ADORA2B: variants seen among roughly 807,000 people sequenced by gnomAD.
The protein encoded by ADORA2B is adenosine receptor A2b.
A neutral mutation model predicts 20.8 loss-of-function variants in ADORA2B; 18 were observed. The observed-to-expected ratio is 0.87, with a 90% CI of 0.60 to 1.29. The LOEUF is 1.29. ADORA2B is among the 50% of genes most tolerant of loss of function. The pLI, the probability that ADORA2B is intolerant of heterozygous loss-of-function variation, is 0.00. For synonymous variants in ADORA2B, 179 were observed against 178.3 expected (o/e 1.00, Z -0.03); for missense variants, 441 against 422.7 (o/e 1.04, Z -0.38).
At chr17:15,865,199 T>G in the ADORA2B span, among the ~76,000 whole-genome samples, 3 of 152,250 alleles carry the variant, frequency 2.0e-5, no homozygotes, top group African/African-American at 7.2e-5. Context: ...TTTAAGTTTT[T>G]TGTGCGTGTG....
chr17:15,939,496 A>G, the ADORA2B span, among the ~76,000 whole-genome samples: 1 of 152,200 alleles, frequency 6.6e-6, no homozygotes, highest in Non-Finnish European at 1.5e-5. Context: ...GTGAATTGGA[A>G]AATCCAAGTT....
At chr17:15,957,637 C>T (rs181080135) in intron 1 of ADORA2B, among the ~76,000 whole-genome samples, 14 of 152,234 alleles carry the variant, frequency 9.2e-5, no homozygotes, top group South Asian at 6.2e-4. Context: ...GGTTGAGAGA[C>T]GCAGTAGTGG....
At chr17:15,887,883 G>A in the ADORA2B span, among the ~76,000 whole-genome samples, 23 of 112,384 alleles carry the variant, frequency 2.0e-4, 3 homozygotes, top group Non-Finnish European at 2.8e-4. Context: ...CCCGGGAGGC[G>A]GAGCTTGCAA....
chr17:15,877,494 T>TC, the ADORA2B span, among the ~76,000 whole-genome samples: 3 of 152,104 alleles, frequency 2.0e-5, no homozygotes, highest in Middle Eastern at 3.4e-3. Flanking sequence ...GCTCATCCAT[T>TC]CCCCAGAGAA....
At chr17:15,938,189 GAAGGAAGGAAGGAAGGAAGTTAGA>G in the ADORA2B span, among the ~76,000 whole-genome samples, 4 of 151,456 alleles carry the variant, frequency 2.6e-5, no homozygotes, top group African/African-American at 9.7e-5. Context: ...AGAAAAAAAA[GAAGGAAGGAAGGAAGGAAGTTAGA>G]AAGGAAGGAA....
chr17:15,867,963 G>A, the ADORA2B span, among the ~76,000 whole-genome samples: 12 of 151,564 alleles, frequency 7.9e-5, no homozygotes, highest in African/African-American at 2.9e-4. Flanking sequence ...TGAGAAATCG[G>A]ATGGTTGCCG....
At chr17:15,914,201 CA>C in the ADORA2B span, among the ~76,000 whole-genome samples, 3 of 151,464 alleles carry the variant, frequency 2.0e-5, no homozygotes, top group Non-Finnish European at 2.9e-5. Flanking sequence ...AAGGTTAATT[CA>C]AAAAAAAATT....
the ADORA2B span, among the ~76,000 whole-genome samples, chr17:15,870,061 G>A: frequency 6.7e-6 from 1 of 149,650 alleles, no homozygotes. Flanking sequence ...AATAAGTTTC[G>A]TAAGCACACA....
the ADORA2B span, among the ~76,000 whole-genome samples, chr17:15,907,207 G>C: frequency 4.1e-5 from 6 of 147,114 alleles, no homozygotes; most frequent in South Asian, 2.1e-4. Context: ...CTTGTATACT[G>C]TGAAAGTGTT....
chr17:15,928,624 C>A, the ADORA2B span, among the ~76,000 whole-genome samples: 1 of 152,092 alleles, frequency 6.6e-6, no homozygotes, highest in Non-Finnish European at 1.5e-5. Context: ...ACACCTGAAG[C>A]AGAAACTCTG....
At chr17:15,890,089 A>G in the ADORA2B span, among the ~76,000 whole-genome samples, 2 of 129,278 alleles carry the variant, frequency 1.5e-5, 1 homozygote, top group African/African-American at 6.6e-5. Flanking sequence ...AAATACTTCC[A>G]ATTGCCTTCT....
chr17:15,888,178 C>T, the ADORA2B span, among the ~76,000 whole-genome samples: 1 of 127,964 alleles, frequency 7.8e-6, no homozygotes, highest in East Asian at 2.1e-4. Context: ...GCAGCAGATA[C>T]GAAAGAAATC....
chr17:15,951,405 G>A (rs183822978), intron 1 of ADORA2B, among the ~76,000 whole-genome samples: 100 of 152,304 alleles, frequency 6.6e-4, no homozygotes, highest in African/African-American at 2.2e-3. Context: ...GAGCCACCCT[G>A]TTACCTGCAT....
At chr17:15,870,916 T>C in the ADORA2B span, among the ~76,000 whole-genome samples, 7 of 152,240 alleles carry the variant, frequency 4.6e-5, no homozygotes, top group African/African-American at 7.2e-5. Context: ...TTCCACTCTA[T>C]TGAGGCCTTT....
At chr17:15,957,569 A>G (rs1293066176) in intron 1 of ADORA2B, among the ~76,000 whole-genome samples, 1 of 152,190 alleles carries the variant, frequency 6.6e-6, no homozygotes, top group Non-Finnish European at 1.5e-5. Context: ...GGGTGATGCC[A>G]TCCTGAAGAT....
chr17:15,934,384 C>G, the ADORA2B span, among the ~76,000 whole-genome samples: 1 of 152,080 alleles, frequency 6.6e-6, no homozygotes, highest in Admixed American at 6.6e-5. Flanking sequence ...TGCCACTATG[C>G]CTGGCTAATT....
chr17:15,962,492 C>T (rs918002275), intron 1 of ADORA2B, among the ~76,000 whole-genome samples: 7 of 151,798 alleles, frequency 4.6e-5, no homozygotes, highest in Admixed American at 3.9e-4. Flanking sequence ...TTTCATTAAA[C>T]GAGTTATAAT....
At chr17:15,892,826 C>T in the ADORA2B span, among the ~76,000 whole-genome samples, 12,980 of 152,036 alleles carry the variant, frequency 0.085, 1,564 homozygotes, top group African/African-American at 0.27. Context: ...TCAGTGTGTA[C>T]CCTGCAGCTT....
chr17:15,876,291 A>G, the ADORA2B span, among the ~76,000 whole-genome samples: 1 of 152,044 alleles, frequency 6.6e-6, no homozygotes, highest in African/African-American at 2.4e-5. Flanking sequence ...CCAGTGTTGC[A>G]GCAAGAAGAA....
Sources: gnomAD v4.1 joint callset for allele counts (sites outside exome capture counted in the v4.1 genomes callset) on GRCh38, gnomAD v4.1.1 for gene constraint, MANE v1.5 for transcripts, NCBI Gene and HGNC (gene_info 2026-07-23, HGNC 2026-07-21) for gene names.